PEX5: variants seen among roughly 807,000 people sequenced by gnomAD.
PEX5 encodes the protein PTS1 receptor.
PEX5 carries 52 observed loss-of-function variants against 82.9 expected under a neutral mutation model. The ratio of observed to expected loss-of-function variants is 0.63; its 90% CI spans 0.50 to 0.79. The LOEUF (loss-of-function observed/expected upper bound fraction) is 0.79. PEX5 is among the 30% of genes least tolerant of loss of function. PEX5 has a pLI of 0.00. For missense variants in PEX5, 719 were observed against 815.2 expected, an observed-to-expected ratio of 0.88 and a Z score of 1.44; for synonymous variants, 300 against 318.8, an observed-to-expected ratio of 0.94 and a Z score of 0.63.
At position 7,202,518 on chromosome 12, in the gene PEX5, G is replaced by A. The variant is rs1011838701; in HGVS notation, c.754-94G>A. ...GATTCTGAGAATGATTTTCTCAGAA[G>A]TACCCAGGTTGGTGGTGGTTAGTGG... On this transcript the variant is annotated intron_variant, in intron 8 of 15. Coordinates refer to ENST00000675855, the MANE Select transcript of PEX5 (RefSeq NM_001351132.2). 1.3e-5 allele frequency: 18 copies of A among 1,392,028 alleles called. No individual in the cohort carries two copies. The Admixed American group carries it at 1.9e-4, about 15-fold the overall frequency. The allele number at this position is 1,392,028 out of a possible 1,614,324, so 86.2% of individuals were successfully genotyped here.
chr12:7,190,278 G>T (rs996997845), intron 1 of PEX5, 84 bp from the exon 2 acceptor site: 27 of 1,594,662 alleles, frequency 1.7e-5, no homozygotes, highest in Non-Finnish European at 2.2e-5. Flanking sequence ...ACGCCTGTGT[G>T]CCTTCCTCAG....
At chr12:7,191,524 G>C in intron 4 of PEX5, 45 bp from the exon 5 acceptor site, 2 of 1,610,408 alleles carry the variant, frequency 1.2e-6, no homozygotes, top group Non-Finnish European at 1.7e-6. Flanking sequence ...ATGATGGAAT[G>C]GTATGTATGT....
At chr12:7,191,103 T>G (rs1941013928) in intron 3 of PEX5, 123 bp from the exon 4 acceptor site, 6 of 1,216,816 alleles carry the variant, frequency 4.9e-6, no homozygotes. Flanking sequence ...TCTCTTTATG[T>G]GTCTCCAGTT....
chr12:7,200,411 C>T (rs1202904537), intron 6 of PEX5, among the ~76,000 whole-genome samples: 1 of 150,660 alleles, frequency 6.6e-6, no homozygotes, highest in East Asian at 2.0e-4. Context: ...CCAGACTGGG[C>T]AGCCAGGCAG....
At chr12:7,204,648 T>C (rs1413811889) in intron 10 of PEX5, among the ~76,000 whole-genome samples, 1 of 152,228 alleles carries the variant, frequency 6.6e-6, no homozygotes, top group Non-Finnish European at 1.5e-5. Flanking sequence ...TATTATTTTG[T>C]ATTAACAATT....
intron 5 of PEX5, among the ~76,000 whole-genome samples, chr12:7,194,712 T>C (rs1941784168): frequency 6.6e-6 from 1 of 152,200 alleles, no homozygotes; most frequent in South Asian, 2.1e-4. Context: ...ACAGCTTCGG[T>C]TGACATGGTA....
chr12:7,212,831 C>G (rs1348785549), downstream of PEX5: 1 of 152,168 alleles, frequency 6.6e-6, no homozygotes, highest in African/African-American at 2.4e-5. Context: ...CCTGTCACCA[C>G]CTGGGGGATC....
At chr12:7,215,148 A>G (rs767176524), downstream of PEX5, among the ~76,000 whole-genome samples, 1 of 152,214 alleles carries the variant, frequency 6.6e-6, no homozygotes, top group Non-Finnish European at 1.5e-5. Context: ...CAACAAATAA[A>G]TGAAAAAATG....
intron 17 of PEX5, among the ~76,000 whole-genome samples, chr12:7,217,866 T>C (rs372423691): frequency 1.6e-4 from 25 of 152,314 alleles, no homozygotes; most frequent in African/African-American, 5.1e-4. Context: ...CTCCCTGAGT[T>C]GTACGGGCTG....
At chr12:7,201,484 C>A (rs1288376791) in intron 6 of PEX5, among the ~76,000 whole-genome samples, 4 of 152,100 alleles carry the variant, frequency 2.6e-5, no homozygotes, top group African/African-American at 9.7e-5. Context: ...CATAATTTTA[C>A]CTTGTTCCCT....
chr12:7,201,993 C>T, intron 7 of PEX5, 152 bp downstream of exon 7: 1 of 753,828 alleles, frequency 1.3e-6, no homozygotes, highest in East Asian at 2.7e-5. Context: ...AAGATCCTGC[C>T]TCTTCCTTCT....
chr12:7,208,131 A>G (rs1945047251), intron 12 of PEX5, 51 bp downstream of exon 12: 3 of 1,356,540 alleles, frequency 2.2e-6, no homozygotes, highest in South Asian at 1.2e-5. Context: ...TCTGCATATA[A>G]CCTTTTGAAT....
downstream of PEX5, among the ~76,000 whole-genome samples, chr12:7,216,292 A>G (rs757184889): frequency 6.6e-6 from 1 of 152,190 alleles, no homozygotes; most frequent in Non-Finnish European, 1.5e-5. Flanking sequence ...ACTCACACCC[A>G]TATATACATT....
Position 7,210,142 on chromosome 12 carries a change from G to A in PEX5, c.1839G>A (p.Met613Ile), listed in dbSNP as rs750620715. The A allele has an allele frequency of 1.2e-6, 2 of 1,614,250 alleles. No individual in the cohort carries two copies. Among genetic ancestry groups the A allele is most frequent in the Admixed American group, 1.7e-5 (1 of 60,034 alleles). The change falls in exon 16 of 16, where the codon ATG (methionine) becomes ATA (isoleucine). Residue 613 changes from methionine to isoleucine, a missense_variant. By Grantham distance (10) the Met-to-Ile change is conservative. Transcript: ENST00000675855. ...GCACCCTGCGTTTGGCATTGTCTAT[G>A]TTAGGCCAGAGCGATGCCTATGGGG... ...IWSTLRLALSMLGQSDAYGAA... is the reference protein window; with the variant it reads ...IWSTLRLALSILGQSDAYGAA...
downstream of PEX5, among the ~76,000 whole-genome samples, chr12:7,212,431 AT>A (rs200469509): frequency 5.2e-5 from 7 of 133,694 alleles, no homozygotes; most frequent in Admixed American, 1.6e-4. Flanking sequence ...CCAAAGTCTA[AT>A]TTTTTTTTTC....
chr12:7,203,850 A>G (rs1944446617), intron 10 of PEX5, among the ~76,000 whole-genome samples: 1 of 152,178 alleles, frequency 6.6e-6, no homozygotes, highest in South Asian at 2.1e-4. Context: ...CTCTGCTTGG[A>G]GGTCAGATTG....
downstream of PEX5, among the ~76,000 whole-genome samples, chr12:7,212,464 GAA>G (rs5796271): frequency 2.6e-4 from 25 of 96,282 alleles, no homozygotes; most frequent in African/African-American, 4.9e-4. Flanking sequence ...AAAGCTGCCA[GAA>G]AAAAAAAAAA....
rs749232654 is a variant in PEX5, at chr12:7,209,847, GTATC to G, written c.1718+11_1718+14del. On this transcript the variant is annotated splice_region_variant and intron_variant, in intron 15 of 15. Transcript: ENST00000675855. ...TCAACCTCGGGGCTCACCGGTGAGA[GTATC>G]TATTGAGAAATGAATGAATGAGCTT... The G allele has an allele frequency of 3.7e-6, 6 of 1,614,038 alleles. No homozygotes were observed. Among genetic ancestry groups the G allele is most frequent in the Non-Finnish European group, 5.1e-6 (6 of 1,179,994 alleles).
chr12:7,214,666 T>C (rs1945726034), downstream of PEX5, among the ~76,000 whole-genome samples: 1 of 151,028 alleles, frequency 6.6e-6, no homozygotes. Context: ...TGTATACATA[T>C]GTAACTAACC....
Sources: gnomAD v4.1 joint callset for allele counts (sites outside exome capture counted in the v4.1 genomes callset) on GRCh38, gnomAD v4.1.1 for gene constraint, MANE v1.5 for transcripts, NCBI Gene and HGNC (gene_info 2026-07-23, HGNC 2026-07-21) for gene names.